Variants in EYS observed in about 807,000 individuals in gnomAD.
The protein encoded by EYS is EGF-like photoreceptor maintenance factor, also known as protein eyes shut homolog.
A neutral mutation model predicts 282.1 loss-of-function variants in EYS; 250 were observed. The ratio of observed to expected loss-of-function variants is 0.89; its 90% CI spans 0.80 to 0.98. EYS has a LOEUF of 0.98. EYS is among the 50% of genes least tolerant of loss of function. EYS has a pLI of 0.00. For synonymous variants in EYS, 1,355 were observed against 1,282.9 expected, an observed-to-expected ratio of 1.06 and a Z score of -1.20; for missense variants, 4,016 against 3,709.0, an observed-to-expected ratio of 1.08 and a Z score of -2.15.
At chr6:65,162,629 C>T (rs1764876824) in intron 12 of EYS, among the ~76,000 whole-genome samples, 1 of 149,138 alleles carries the variant, frequency 6.7e-6, no homozygotes, top group South Asian at 2.1e-4. Context: ...TTTTTGGCTA[C>T]TTTAAAACTA....
intron 26 of EYS, among the ~76,000 whole-genome samples, chr6:64,502,864 T>C (rs1430776312): frequency 6.6e-6 from 1 of 152,192 alleles, no homozygotes; most frequent in African/African-American, 2.4e-5. Context: ...TCAAGAACAA[T>C]GGTAGCCAGG....
chr6:63,973,636 G>A (rs1000272528), intron 35 of EYS, among the ~76,000 whole-genome samples: 2 of 151,984 alleles, frequency 1.3e-5, no homozygotes, highest in African/African-American at 2.4e-5. Context: ...AGATAAATTC[G>A]TATGAGAACA....
In EYS at chr6:63,787,870, C is replaced by G. The variant is rs144739193; in HGVS notation, c.7723+235G>C. ...AGGAGAATCACTTGAACCCAGGAGG[C>G]AGAGGTTGTGGTGAGCCCAGATTGC... On this transcript the variant is annotated intron_variant, in intron 39 of 42. Coordinates refer to ENST00000503581, the MANE Select transcript of EYS (RefSeq NM_001142800.2). Among the ~76,000 whole-genome samples the G allele has an allele frequency of 6.6e-3, 1,003 of 152,168 alleles. 10 individuals are homozygous for G. The highest frequency in any genetic ancestry group is 0.022 in the African/African-American group (925 of 41,510).
intron 19 of EYS, among the ~76,000 whole-genome samples, chr6:64,859,332 T>TG (rs1766163812): frequency 6.6e-6 from 1 of 150,772 alleles, no homozygotes; most frequent in Admixed American, 6.6e-5. Context: ...ATAAATCCCA[T>TG]TTACAGTAGC....
intron 31 of EYS, among the ~76,000 whole-genome samples, chr6:64,162,242 G>T (rs1333268320): frequency 7.9e-5 from 12 of 152,116 alleles, no homozygotes; most frequent in Admixed American, 7.9e-4. Context: ...TCTCTCATTT[G>T]CAAAATGACA....
intron 36 of EYS, among the ~76,000 whole-genome samples, chr6:63,811,877 G>A (rs151069681): frequency 1.3e-5 from 2 of 152,068 alleles, no homozygotes; most frequent in African/African-American, 4.8e-5. Context: ...ACAAACTGAC[G>A]AATATGTTAA....
intron 26 of EYS, among the ~76,000 whole-genome samples, chr6:64,518,597 G>A (rs1777633751): frequency 6.6e-6 from 1 of 151,560 alleles, no homozygotes; most frequent in Non-Finnish European, 1.5e-5. Flanking sequence ...AGTCGCTATT[G>A]ACCCGACGGG....
chr6:63,967,683 A>G (rs1207086451), intron 35 of EYS, among the ~76,000 whole-genome samples: 1 of 152,196 alleles, frequency 6.6e-6, no homozygotes, highest in Admixed American at 6.5e-5. Context: ...TATTTTGGAA[A>G]TGTAGAAATC....
chr6:64,006,999 T>C (rs1768381293), intron 33 of EYS, among the ~76,000 whole-genome samples: 1 of 152,210 alleles, frequency 6.6e-6, no homozygotes, highest in South Asian at 2.1e-4. Context: ...ATCAGGATGA[T>C]GCTTAACTCA....
At chr6:64,126,925 T>C (rs1217463324) in intron 31 of EYS, among the ~76,000 whole-genome samples, 1 of 152,116 alleles carries the variant, frequency 6.6e-6, no homozygotes, top group Admixed American at 6.6e-5. Context: ...CCTAGTCCAA[T>C]GCCTATTCTA....
intron 22 of EYS, among the ~76,000 whole-genome samples, chr6:64,796,523 T>C (rs899176660): frequency 6.6e-6 from 1 of 152,102 alleles, no homozygotes; most frequent in African/African-American, 2.4e-5. Flanking sequence ...CCCAAGTTAT[T>C]TGATATACAG....
intron 15 of EYS, among the ~76,000 whole-genome samples, chr6:64,936,255 CA>C (rs141434369): frequency 6.6e-6 from 1 of 150,860 alleles, no homozygotes; most frequent in East Asian, 1.9e-4. Flanking sequence ...AAAAACAAAA[CA>C]AAAAAAACAC....
chr6:65,254,738 GAAT>G (rs1246231682), intron 12 of EYS, among the ~76,000 whole-genome samples: 3 of 151,780 alleles, frequency 2.0e-5, no homozygotes, highest in Admixed American at 6.6e-5. Context: ...GTGCCTTGCG[GAAT>G]AATGTTTCTT....
At chr6:65,503,903 C>T (rs1766555893) in intron 2 of EYS, among the ~76,000 whole-genome samples, 2 of 151,530 alleles carry the variant, frequency 1.3e-5, no homozygotes, top group African/African-American at 4.8e-5. Flanking sequence ...TATTCTCCAA[C>T]CTTATTTTCT....
chr6:63,873,275 A>G (rs1772864901), intron 35 of EYS, among the ~76,000 whole-genome samples: 1 of 151,786 alleles, frequency 6.6e-6, no homozygotes, highest in South Asian at 2.1e-4. Flanking sequence ...TTCTTGTGAT[A>G]GTTTGCTGAG....
chr6:65,332,374 T>C, intron 11 of EYS: 1 of 986,924 alleles, frequency 1.0e-6, no homozygotes, highest in Non-Finnish European at 1.6e-6. Flanking sequence ...AACCTTTCTA[T>C]ATGTTGCTGA....
chr6:65,536,613 C>CT (rs1215921244), intron 2 of EYS, among the ~76,000 whole-genome samples: 1 of 151,830 alleles, frequency 6.6e-6, no homozygotes, highest in African/African-American at 2.4e-5. Context: ...TCTAAAAATG[C>CT]TAGAAAAATG....
chr6:64,821,498 C>A, intron 21 of EYS, 147 bp downstream of exon 21: 1 of 466,468 alleles, frequency 2.1e-6, no homozygotes, highest in Non-Finnish European at 3.9e-6. Context: ...TTGGAGCAGC[C>A]AAAGAATTAC....
intron 19 of EYS, among the ~76,000 whole-genome samples, chr6:64,849,954 T>C (rs1181356745): frequency 6.6e-6 from 1 of 151,980 alleles, no homozygotes; most frequent in East Asian, 1.9e-4. Flanking sequence ...GAGTTATATC[T>C]CATCATATTA....
Sources: gnomAD v4.1 joint callset for allele counts (sites outside exome capture counted in the v4.1 genomes callset) on GRCh38, gnomAD v4.1.1 for gene constraint, MANE v1.5 for transcripts, NCBI Gene and HGNC (gene_info 2026-07-23, HGNC 2026-07-21) for gene names.